Variants in CADPS observed in about 807,000 individuals in gnomAD.
CADPS encodes the protein calcium dependent secretion activator, also known as calcium-dependent secretion activator 1.
In CADPS, 57 loss-of-function variants were observed where a neutral mutation model predicts 167.3. The ratio of observed to expected loss-of-function variants is 0.34; its 90% confidence interval spans 0.28 to 0.42. CADPS has a LOEUF of 0.42. CADPS is among the 20% of genes least tolerant of loss of function. The probability of loss-of-function intolerance (pLI) is 1.00; values close to 1 mark genes in which losing one functional copy is unlikely to be tolerated. For missense variants in CADPS, 1,414 were observed against 1,738.1 expected, an observed-to-expected ratio of 0.81 and a Z score of 3.32; for synonymous variants, 676 against 635.3, an observed-to-expected ratio of 1.06 and a Z score of -0.96.
chr3:62,758,196 A>G (rs1385132883), intron 2 of CADPS, among the ~76,000 whole-genome samples: 3 of 152,234 alleles, frequency 2.0e-5, no homozygotes, highest in South Asian at 4.1e-4. Context: ...ACTCTCCTTC[A>G]TGGTAAACAA....
At chr3:62,533,380 C>G (rs898934926) in intron 12 of CADPS, among the ~76,000 whole-genome samples, 2 of 152,098 alleles carry the variant, frequency 1.3e-5, no homozygotes, top group African/African-American at 2.4e-5. Flanking sequence ...TGCTTGAACA[C>G]GGAACCATAC....
At chr3:62,669,043 C>T (rs2075028851) in intron 3 of CADPS, among the ~76,000 whole-genome samples, 1 of 152,188 alleles carries the variant, frequency 6.6e-6, no homozygotes, top group Non-Finnish European at 1.5e-5. Context: ...TAATCAGTCT[C>T]TTTCCTGATT....
At chr3:62,814,052 G>A (rs138948091) in intron 1 of CADPS, among the ~76,000 whole-genome samples, 36 of 152,190 alleles carry the variant, frequency 2.4e-4, no homozygotes, top group African/African-American at 7.7e-4. Flanking sequence ...TAGAAACTTC[G>A]AAATAATAAG....
intron 3 of CADPS, among the ~76,000 whole-genome samples, chr3:62,716,353 C>T (rs999066431): frequency 6.6e-6 from 1 of 152,102 alleles, no homozygotes; most frequent in African/African-American, 2.4e-5. Context: ...TGTGCCTGGC[C>T]TATGATAATA....
chr3:62,478,440 T>C lies in CADPS; in HGVS notation c.3174-24A>G. 1 of 1,605,558 alleles carries C rather than the reference T, an allele frequency of 6.2e-7. No homozygotes were observed. Among genetic ancestry groups the C allele is most frequent in the Non-Finnish European group, 8.5e-7 (1 of 1,175,376 alleles). ...TACTGGCAGGACAAAAATTAGAAAA[T>C]GAGAGTCACCCACTGGCCTCAGGCT... On this transcript the variant is annotated intron_variant, in intron 22 of 29. Coordinates refer to ENST00000383710, the MANE Select transcript of CADPS (RefSeq NM_003716.4). This position sits in a 1 kb window ranked among gnomAD's most constrained non-coding sequence, Gnocchi z 5.7.
chr3:62,684,831 A>G (rs929076174), intron 3 of CADPS, among the ~76,000 whole-genome samples: 1 of 151,978 alleles, frequency 6.6e-6, no homozygotes, highest in South Asian at 2.1e-4. Context: ...ACATGCACCA[A>G]TCAGATGCAA....
intron 9 of CADPS, among the ~76,000 whole-genome samples, chr3:62,559,883 C>T (rs1272071782): frequency 6.6e-6 from 1 of 151,604 alleles, no homozygotes; most frequent in African/African-American, 2.4e-5. Flanking sequence ...GAGTTGCCGA[C>T]ACTCACTTAA....
At chr3:62,671,654 G>C (rs906766257) in intron 3 of CADPS, among the ~76,000 whole-genome samples, 3 of 152,052 alleles carry the variant, frequency 2.0e-5, no homozygotes, top group Admixed American at 1.3e-4. Flanking sequence ...CTCCCTCCTG[G>C]CTGCATATTT....
chr3:62,744,694 G>A (rs1032806060), intron 3 of CADPS, among the ~76,000 whole-genome samples: 1 of 152,146 alleles, frequency 6.6e-6, no homozygotes, highest in African/African-American at 2.4e-5. Context: ...TTACAATTTT[G>A]TGGCTCAATG....
At chr3:62,405,146 G>A (rs948653439) in intron 28 of CADPS, among the ~76,000 whole-genome samples, 1 of 149,970 alleles carries the variant, frequency 6.7e-6, no homozygotes, top group South Asian at 2.1e-4. Context: ...TGGGGGGGGG[G>A]GGGGCTCAAC....
intron 1 of CADPS, among the ~76,000 whole-genome samples, chr3:62,766,411 C>T (rs2086872765): frequency 6.6e-6 from 1 of 152,092 alleles, no homozygotes; most frequent in Non-Finnish European, 1.5e-5. Flanking sequence ...AATATTTAGA[C>T]CATGGAAATT....
chr3:62,608,240 G>GA lies in CADPS; in HGVS notation c.1326-15493dup, dbSNP rs1172426856. Among the ~76,000 whole-genome samples, 21 of 145,872 alleles carry GA rather than the reference G, an allele frequency of 1.4e-4. 1 individual carries two copies. The highest frequency in any genetic ancestry group is 2.6e-4 in the Non-Finnish European group (17 of 66,474). On this transcript the variant is annotated intron_variant, in intron 6 of 29. Transcript: ENST00000383710. Reference sequence around the variant, plus strand: ...AACAAACATACTAAAAACTATCTTTGAAAAAAAAATACCAAAAAACTGTAT... The same window carrying GA: ...AACAAACATACTAAAAACTATCTTTGAAAAAAAAAATACCAAAAAACTGTAT...
At chr3:62,757,093 A>C (rs372916815) in intron 2 of CADPS, among the ~76,000 whole-genome samples, 11 of 152,182 alleles carry the variant, frequency 7.2e-5, no homozygotes, top group African/African-American at 1.9e-4. Flanking sequence ...TGCTTGTACG[A>C]GACCGGGTGA....
At chr3:62,483,687 AGGGAAAAT>A (rs980532786) in intron 21 of CADPS, among the ~76,000 whole-genome samples, 5 of 152,216 alleles carry the variant, frequency 3.3e-5, no homozygotes, top group Non-Finnish European at 5.9e-5. Flanking sequence ...ATTAAACAGA[AGGGAAAAT>A]GGAACTTTTC....
chr3:62,757,393 G>C (rs1378243986), intron 2 of CADPS, among the ~76,000 whole-genome samples: 1 of 152,128 alleles, frequency 6.6e-6, no homozygotes, highest in Non-Finnish European at 1.5e-5. Context: ...GGTAGTCGTT[G>C]TTTGTTTCTA....
At chr3:62,658,558 T>G (rs1312657404) in intron 4 of CADPS, among the ~76,000 whole-genome samples, 1 of 152,170 alleles carries the variant, frequency 6.6e-6, no homozygotes, top group Non-Finnish European at 1.5e-5. Flanking sequence ...AATAGCATCT[T>G]TCTCATTAGG....
intron 1 of CADPS, among the ~76,000 whole-genome samples, chr3:62,772,227 G>C (rs1370558839): frequency 6.6e-6 from 1 of 151,738 alleles, no homozygotes; most frequent in African/African-American, 2.4e-5. Context: ...TATTTACTCA[G>C]CCTTTTGAAG....
At position 62,530,640 on chromosome 3, in the gene CADPS, A is replaced by C. The variant is rs28751994; in HGVS notation, c.2291+2231T>G. The C allele has an allele frequency of 2.2e-5, 28 of 1,281,202 alleles. No homozygotes were observed. In the East Asian group the frequency reaches 1.4e-3, roughly 64 times the overall value. 79.4% of individuals were successfully genotyped at this position (1,281,202 alleles called of 1,614,324 possible). On this transcript the variant is annotated intron_variant, in intron 13 of 29. Transcript: ENST00000383710. Reference sequence around the variant, plus strand: ...ATATTACAAACACAAGCCAATACACACATAACTTCTTACCTTTTCAGCTCT... The same window carrying C: ...ATATTACAAACACAAGCCAATACACCCATAACTTCTTACCTTTTCAGCTCT...
chr3:62,781,615 T>A (rs2091632064), intron 1 of CADPS, among the ~76,000 whole-genome samples: 1 of 151,956 alleles, frequency 6.6e-6, no homozygotes, highest in Non-Finnish European at 1.5e-5. Flanking sequence ...TTACGTTCTG[T>A]TGGGAGGGGC....
Sources: allele counts gnomAD v4.1 joint callset (sites outside exome capture counted in the v4.1 genomes callset), GRCh38; gene constraint gnomAD v4.1.1; non-coding constraint Gnocchi (gnomAD v3.1); transcripts MANE v1.5; gene names NCBI Gene and HGNC (gene_info 2026-07-23, HGNC 2026-07-21).